ZNF410: variants seen among roughly 807,000 people sequenced by gnomAD.
ZNF410 encodes zinc finger protein 410.
In ZNF410, 18 loss-of-function variants were observed where a neutral mutation model predicts 54.8. The ratio of observed to expected loss-of-function variants is 0.33; its 90% CI spans 0.23 to 0.49. The LOEUF (loss-of-function observed/expected upper bound fraction) is 0.49. ZNF410 is among the 20% of genes least tolerant of loss of function. ZNF410 has a pLI of 0.99. For synonymous variants in ZNF410, 191 were observed against 207.3 expected, an observed-to-expected ratio of 0.92 and a Z score of 0.68; for missense variants, 405 against 569.6, an observed-to-expected ratio of 0.71 and a Z score of 2.94.
intron 1 of ZNF410, among the ~76,000 whole-genome samples, chr14:73,888,720 G>T (rs1214874915): frequency 1.3e-5 from 2 of 152,188 alleles, no homozygotes; most frequent in Admixed American, 6.5e-5. Context: ...GTTTAATTGT[G>T]TATTTGCCGT....
At chr14:73,908,018 G>A (rs1258830237) in intron 7 of ZNF410, among the ~76,000 whole-genome samples, 1 of 152,120 alleles carries the variant, frequency 6.6e-6, no homozygotes, top group African/African-American at 2.4e-5. Context: ...TTTTGAAATT[G>A]TATTATCTCC....
chr14:73,921,547 G>A (rs867106921), intron 9 of ZNF410, among the ~76,000 whole-genome samples: 7 of 152,182 alleles, frequency 4.6e-5, no homozygotes, highest in Middle Eastern at 3.4e-3. Flanking sequence ...GCGCCATCTC[G>A]ACTCACTGCA....
In ZNF410 at chr14:73,932,076, A is replaced by G. The variant is rs1321393480; in HGVS notation, c.*535A>G. Reference sequence around the variant, plus strand: ...ACTCTCTGCCACTGGGCTGCAAAAAAATAAATTACTTGAATCTCCCCTTGG... The same window carrying G: ...ACTCTCTGCCACTGGGCTGCAAAAAGATAAATTACTTGAATCTCCCCTTGG... On this transcript the variant is annotated 3_prime_UTR_variant, in exon 12 of 12. Transcript: ENST00000555044. 1 of 454,882 alleles carries G rather than the reference A, an allele frequency of 2.2e-6. No individual in the cohort carries two copies. The highest frequency in any genetic ancestry group is 1.6e-5 in the South Asian group (1 of 64,456). 28.2% of individuals were successfully genotyped at this position (454,882 alleles called of 1,614,324 possible). A position where few individuals can be genotyped will look rare whatever the true frequency, so the allele number is the denominator to read the frequency against.
chr14:73,891,079 T>G (rs2055221885), intron 1 of ZNF410, among the ~76,000 whole-genome samples: 1 of 128,942 alleles, frequency 7.8e-6, no homozygotes, highest in Non-Finnish European at 1.7e-5. Context: ...GGAAACGCTC[T>G]TCAAATTTTA....
chr14:73,894,119 T>G (rs2055273925), intron 3 of ZNF410, among the ~76,000 whole-genome samples, 187 bp downstream of exon 3: 1 of 152,150 alleles, frequency 6.6e-6, no homozygotes, highest in Non-Finnish European at 1.5e-5. Flanking sequence ...GGAATGGATA[T>G]GATCACCCAG....
chr14:73,911,641 T>A (rs1032497604), intron 8 of ZNF410, among the ~76,000 whole-genome samples: 1 of 152,242 alleles, frequency 6.6e-6, no homozygotes, highest in Non-Finnish European at 1.5e-5. Context: ...AAATTTTTTT[T>A]TATATAGCAA....
At chr14:73,893,998 T>C (rs937037790) in intron 3 of ZNF410, 66 bp downstream of exon 3, 5 of 1,531,926 alleles carry the variant, frequency 3.3e-6, no homozygotes, top group Non-Finnish European at 3.5e-6. Flanking sequence ...TCTATGTTAC[T>C]GGTGGAATGA....
chr14:73,916,810 CA>C (rs34020079), intron 8 of ZNF410: 134 of 145,776 alleles, frequency 9.2e-4, no homozygotes, highest in East Asian at 3.4e-3. Flanking sequence ...CCCGTTTCTA[CA>C]AAAAAAAAAA....
chr14:73,931,947 G>T lies in ZNF410; in HGVS notation c.*406G>T, dbSNP rs1184924795. 1.8e-5 allele frequency: 8 copies of T among 457,108 alleles called. No individual in the cohort carries two copies. The East Asian group carries it at 5.5e-4, about 32-fold the overall frequency. The allele number at this position is 457,108 out of a possible 1,614,324, so 28.3% of individuals were successfully genotyped here. Reference sequence around the variant, plus strand: ...GAAATAATTCCTGCTACCAACAACAGAGCTTCACCAGGAAGTTGAGTTTTC... The same window carrying T: ...GAAATAATTCCTGCTACCAACAACATAGCTTCACCAGGAAGTTGAGTTTTC... On this transcript the variant is annotated 3_prime_UTR_variant, in exon 12 of 12. Coordinates refer to ENST00000555044, the MANE Select transcript of ZNF410 (RefSeq NM_021188.3).
chr14:73,931,444 A>G, intron 11 of ZNF410, 59 bp from the exon 12 acceptor site: 1 of 1,485,084 alleles, frequency 6.7e-7, no homozygotes, highest in South Asian at 1.2e-5. Context: ...TTTACTATGA[A>G]TTATTTTTTC....
chr14:73,917,397 T>C (rs1594762061), intron 8 of ZNF410, among the ~76,000 whole-genome samples: 1 of 152,156 alleles, frequency 6.6e-6, no homozygotes. Flanking sequence ...CCTCCCTCCT[T>C]CTCTTATAGG....
intron 5 of ZNF410, among the ~76,000 whole-genome samples, chr14:73,898,832 G>A (rs1010465979): frequency 6.6e-6 from 1 of 152,162 alleles, no homozygotes; most frequent in African/African-American, 2.4e-5. Flanking sequence ...CTCTGTTCTA[G>A]TAATTTTCAA....
At chr14:73,921,144 TA>T (rs1566664948) in intron 9 of ZNF410, 39 bp downstream of exon 9, 1 of 1,608,422 alleles carries the variant, frequency 6.2e-7, no homozygotes, top group Non-Finnish European at 8.5e-7. Flanking sequence ...GTACTACTTC[TA>T]GGGTTCCAAG....
intron 5 of ZNF410, chr14:73,898,520 C>T: frequency 1.9e-6 from 1 of 534,754 alleles, no homozygotes. Flanking sequence ...TAATATACAT[C>T]CTGGGGTTTG....
At chr14:73,889,528 G>T (rs991703014) in intron 1 of ZNF410, among the ~76,000 whole-genome samples, 5 of 151,560 alleles carry the variant, frequency 3.3e-5, no homozygotes, top group African/African-American at 1.2e-4. Context: ...GTCAAACCTA[G>T]AGAGATGTAA....
chr14:73,925,132 G>A, intron 11 of ZNF410, among the ~76,000 whole-genome samples: 1 of 105,102 alleles, frequency 9.5e-6, no homozygotes, highest in East Asian at 2.8e-4. Context: ...CTTTTGCCAG[G>A]ACTTTTCTTT....
At chr14:73,929,552 T>C (rs186742850) in intron 11 of ZNF410, among the ~76,000 whole-genome samples, 2 of 152,210 alleles carry the variant, frequency 1.3e-5, no homozygotes, top group African/African-American at 2.4e-5. Context: ...AAATCTGTTA[T>C]CAGAAATTTT....
chr14:73,899,420 G>A (rs2041187), intron 5 of ZNF410, among the ~76,000 whole-genome samples: 74,287 of 151,614 alleles, frequency 0.49, 18,400 homozygotes, highest in South Asian at 0.61. Context: ...ACTCTAAACT[G>A]TTTGTTTTCA....
At chr14:73,890,046 C>A (rs943428117) in intron 1 of ZNF410, among the ~76,000 whole-genome samples, 2 of 152,102 alleles carry the variant, frequency 1.3e-5, no homozygotes, top group African/African-American at 4.8e-5. Context: ...CCGCCTGCCT[C>A]GGCCTCCCAA....
Sources: gnomAD v4.1 joint callset for allele counts (sites outside exome capture counted in the v4.1 genomes callset) on GRCh38, gnomAD v4.1.1 for gene constraint, MANE v1.5 for transcripts, NCBI Gene and HGNC (gene_info 2026-07-23, HGNC 2026-07-21) for gene names.